USH2A: variants seen among roughly 807,000 people sequenced by gnomAD.
USH2A encodes usherin.
Under a neutral mutation model 538.9 loss-of-function variants are expected in USH2A, and 443 were observed. That is an observed-to-expected ratio of 0.82 (90% confidence interval 0.76 to 0.89). USH2A has a LOEUF of 0.89. Ranked by LOEUF, USH2A falls within the 40% of genes least tolerant of loss-of-function variation. The pLI is 0.00. For synonymous variants in USH2A, 2,413 were observed against 2,273.5 expected (o/e 1.06, Z -1.75); for missense variants, 6,633 against 6,324.8 (o/e 1.05, Z -1.65).
At chr1:215,771,015 T>C (rs956099473) in intron 55 of USH2A, among the ~76,000 whole-genome samples, 2 of 146,828 alleles carry the variant, frequency 1.4e-5, no homozygotes, top group African/African-American at 5.1e-5. Context: ...TAGTCCCAGC[T>C]GTTTGGGAGG....
chr1:215,818,098 T>A lies in USH2A; in HGVS notation c.9372-903A>T, dbSNP rs555765339. Among the ~76,000 whole-genome samples the A allele has an allele frequency of 5.9e-5, 9 of 152,124 alleles. No homozygotes were observed. The South Asian group carries it at 1.9e-3, about 31-fold the overall frequency. On this transcript the variant is annotated intron_variant, in intron 47 of 71. Transcript: ENST00000307340. ...GGTAAGAATATAGTATAAATATATA[T>A]GCAAACTATGTTTTAATCAGTTTTT... is the stretch of plus-strand genomic sequence containing the variant.
intron 9 of USH2A, among the ~76,000 whole-genome samples, chr1:216,313,889 G>T (rs564477419): frequency 1.3e-5 from 2 of 152,238 alleles, no homozygotes; most frequent in South Asian, 4.1e-4. Context: ...TATATCAGTA[G>T]TGTCTTAGAA....
intron 58 of USH2A, among the ~76,000 whole-genome samples, chr1:215,754,601 G>A (rs756446521): frequency 3.3e-5 from 5 of 152,008 alleles, no homozygotes; most frequent in Admixed American, 6.6e-5. Context: ...GCTTCCCTGG[G>A]CCACAATGAA....
At chr1:216,311,346 G>T (rs1375146602) in intron 9 of USH2A, among the ~76,000 whole-genome samples, 1 of 152,136 alleles carries the variant, frequency 6.6e-6, no homozygotes, top group Non-Finnish European at 1.5e-5. Context: ...AATTTTTCCA[G>T]TGTAGAAAAA....
chr1:215,858,344 A>C (rs564523225), intron 44 of USH2A, among the ~76,000 whole-genome samples: 1 of 151,580 alleles, frequency 6.6e-6, no homozygotes, highest in Non-Finnish European at 1.5e-5. Context: ...TCTCCATAAT[A>C]CCCATGTGTC....
intron 38 of USH2A, among the ~76,000 whole-genome samples, chr1:215,911,406 G>A (rs1019620691): frequency 2.6e-5 from 4 of 151,646 alleles, no homozygotes; most frequent in African/African-American, 9.7e-5. Flanking sequence ...AAACCCATGA[G>A]TTCAATTGCT....
chr1:216,401,500 A>G (rs191131150), intron 3 of USH2A, among the ~76,000 whole-genome samples: 15 of 152,232 alleles, frequency 9.9e-5, no homozygotes, highest in African/African-American at 3.6e-4. Flanking sequence ...AGCAGAGTGT[A>G]TTAGAATATA....
chr1:216,375,861 T>G (rs2038808173), intron 3 of USH2A, among the ~76,000 whole-genome samples: 2 of 152,072 alleles, frequency 1.3e-5, no homozygotes, highest in Admixed American at 6.6e-5. Flanking sequence ...TATTACTCGG[T>G]CTAATTTAAT....
intron 21 of USH2A, among the ~76,000 whole-genome samples, chr1:216,156,268 TTTTC>T (rs1006754917): frequency 9.4e-4 from 139 of 147,500 alleles, no homozygotes; most frequent in Non-Finnish European, 1.3e-3. Context: ...CCTTCTTTCT[TTTTC>T]TTTCTTTCTT....
intron 4 of USH2A, among the ~76,000 whole-genome samples, chr1:216,328,692 A>T (rs1201375021): frequency 6.6e-6 from 1 of 151,976 alleles, no homozygotes; most frequent in Non-Finnish European, 1.5e-5. Context: ...TATGGCTGAT[A>T]AATAAAACAT....
intron 22 of USH2A, among the ~76,000 whole-genome samples, chr1:216,089,563 CAGACA>C (rs2032243982): frequency 6.6e-6 from 1 of 152,014 alleles, no homozygotes; most frequent in Non-Finnish European, 1.5e-5. Flanking sequence ...AGAGAGATGT[CAGACA>C]AGTCACTCTT....
chr1:216,354,526 G>T (rs74419198), intron 4 of USH2A, among the ~76,000 whole-genome samples: 2,734 of 152,224 alleles, frequency 0.018, 85 homozygotes, highest in African/African-American at 0.06. Context: ...GTGAATTTGA[G>T]CCAATAGATG....
intron 21 of USH2A, among the ~76,000 whole-genome samples, chr1:216,130,615 TA>T (rs1007648551): frequency 6.8e-6 from 1 of 146,286 alleles, no homozygotes; most frequent in Non-Finnish European, 1.5e-5. Context: ...ATATATACTA[TA>T]TATATACATA....
At chr1:215,759,913 C>A (rs1046584497) in intron 56 of USH2A, 70 bp from the exon 57 acceptor site, 36 of 1,560,040 alleles carry the variant, frequency 2.3e-5, no homozygotes, top group Middle Eastern at 1.7e-4. Flanking sequence ...GTCACACCAT[C>A]CCCCCCATGA....
At chr1:216,235,360 A>G (rs896716724) in intron 13 of USH2A, among the ~76,000 whole-genome samples, 29 of 152,174 alleles carry the variant, frequency 1.9e-4, no homozygotes, top group African/African-American at 6.0e-4. Flanking sequence ...ATTCTTAAGC[A>G]TGGTCATTAG....
intron 47 of USH2A, among the ~76,000 whole-genome samples, chr1:215,833,346 A>G (rs1344665167): frequency 1.3e-5 from 2 of 151,966 alleles, no homozygotes; most frequent in African/African-American, 4.8e-5. Flanking sequence ...TGGTATAGAT[A>G]TACATATTGA....
chr1:216,230,690 G>T (rs1198097242), intron 14 of USH2A, among the ~76,000 whole-genome samples: 1 of 152,024 alleles, frequency 6.6e-6, no homozygotes, highest in Non-Finnish European at 1.5e-5. Context: ...GTTTAAAAGA[G>T]CCCAGATAAT....
At chr1:216,161,226 T>G (rs916899102) in intron 21 of USH2A, among the ~76,000 whole-genome samples, 4 of 152,156 alleles carry the variant, frequency 2.6e-5, no homozygotes, top group African/African-American at 9.7e-5. Flanking sequence ...CAGTGGTATT[T>G]GTCCTTTTAT....
Position 216,422,312 on chromosome 1 carries a change from C to G in USH2A, c.25G>C (p.Gly9Arg), listed in dbSNP as rs749498075. MNCPVLSLGSGFLFQVIEM... is the reference protein window; with the variant it reads MNCPVLSLRSGFLFQVIEM... ...ATGACCTGAAACAAGAAGCCAGAGC[C>G]CAATGAAAGAACTGGGCAATTCATG... The change falls in exon 2 of 72, where the codon GGC becomes CGC. Residue 9 changes from glycine (G) to arginine (R), a missense_variant. Transcript: ENST00000307340. 2 of 1,613,722 alleles carry G rather than the reference C, an allele frequency of 1.2e-6. No homozygotes were observed. Among genetic ancestry groups the G allele is most frequent in the South Asian group, 1.1e-5 (1 of 91,058 alleles).
Sources: allele counts gnomAD v4.1 joint callset (sites outside exome capture counted in the v4.1 genomes callset), GRCh38; gene constraint gnomAD v4.1.1; transcripts MANE v1.5; gene names NCBI Gene and HGNC (gene_info 2026-07-23, HGNC 2026-07-21).